CTPS1: variants seen among roughly 807,000 people sequenced by gnomAD.
CTPS1 encodes CTP synthase 1.
Under a neutral mutation model 80.5 loss-of-function variants are expected in CTPS1, and 25 were observed. That is an observed-to-expected ratio of 0.31 (90% CI 0.23 to 0.43). CTPS1 has a LOEUF of 0.43. Ranked by LOEUF, CTPS1 falls within the 20% of genes least tolerant of loss-of-function variation. The probability of loss-of-function intolerance (pLI) is 1.00; values close to 1 mark genes in which losing one functional copy is unlikely to be tolerated. For synonymous variants in CTPS1, 267 were observed against 252.5 expected (o/e 1.06, Z -0.54); for missense variants, 442 against 725.7 (o/e 0.61, Z 4.49).
chr1:40,997,892 T>C (rs527760419), intron 9 of CTPS1, among the ~76,000 whole-genome samples: 8 of 152,192 alleles, frequency 5.3e-5, no homozygotes, highest in Non-Finnish European at 1.2e-4. Flanking sequence ...TGGGCTGCCT[T>C]TCCTAACCTG....
chr1:41,010,370 T>A, intron 18 of CTPS1, 116 bp downstream of exon 18: 1 of 700,652 alleles, frequency 1.4e-6, no homozygotes, highest in Non-Finnish European at 2.5e-6. Context: ...ATGAAAGTGG[T>A]GAGGTCTTGA....
At chr1:41,008,957 T>A in intron 16 of CTPS1, 67 bp downstream of exon 16, 1 of 1,242,456 alleles carries the variant, frequency 8.0e-7, no homozygotes, top group Non-Finnish European at 1.2e-6. Context: ...TGGGAAAATA[T>A]AAAAATGTTA....
rs1461089047 is a variant in CTPS1 at position 41,006,190 on chromosome 1, T to C, written c.1296+96T>C. The C allele has an allele frequency of 3.8e-6, 4 of 1,052,798 alleles. No homozygotes were observed. In the East Asian group the frequency reaches 7.2e-5, roughly 19 times the overall value. The allele number at this position is 1,052,798 out of a possible 1,614,324, so 65.2% of individuals were successfully genotyped here. ...GATTAGAGACAAGAAGTGAGACTGC[T>C]TGAGTCCATCCCAAAGAACCCTGAG... On this transcript the variant is annotated intron_variant, in intron 13 of 18. Coordinates refer to ENST00000650070, the MANE Select transcript of CTPS1 (RefSeq NM_001905.4).
intron 3 of CTPS1, among the ~76,000 whole-genome samples, chr1:40,987,160 C>T (rs1363286569): frequency 1.3e-5 from 2 of 152,190 alleles, no homozygotes; most frequent in Non-Finnish European, 1.5e-5. Context: ...TGTTGCAGGG[C>T]TTCCAGCAAC....
At chr1:41,010,333 A>AG in intron 18 of CTPS1, 79 bp downstream of exon 18, 1 of 1,038,668 alleles carries the variant, frequency 9.6e-7, no homozygotes, top group Admixed American at 2.1e-5. Context: ...ATGGAAGTTT[A>AG]GGGCTGAAAA....
chr1:40,992,979 G>A (rs796315227), intron 7 of CTPS1, among the ~76,000 whole-genome samples: 5 of 147,610 alleles, frequency 3.4e-5, no homozygotes, highest in African/African-American at 1.2e-4. Flanking sequence ...CAGGTGTGAG[G>A]GCGCCCGGCC....
intron 18 of CTPS1, among the ~76,000 whole-genome samples, chr1:41,010,711 C>G (rs1316029193): frequency 6.6e-6 from 1 of 152,220 alleles, no homozygotes; most frequent in African/African-American, 2.4e-5. Flanking sequence ...TCAGGAAGTA[C>G]TTTAAAACTG....
At chr1:40,996,270 C>A in intron 8 of CTPS1, 1 of 612,848 alleles carries the variant, frequency 1.6e-6, no homozygotes, top group Non-Finnish European at 2.8e-6. Flanking sequence ...CTGATAGGGC[C>A]AGGCCAGGTG....
In CTPS1 at chr1:40,987,623, CAT is replaced by C. The variant is rs1642489535; in HGVS notation, c.438+152_438+153del. The C allele has an allele frequency of 1.9e-5, 12 of 646,940 alleles. No individual in the cohort carries two copies. The African/African-American group carries it at 2.0e-4, about 11-fold the overall frequency. The allele number at this position is 646,940 out of a possible 1,614,324, so 40.1% of individuals were successfully genotyped here. On this transcript the variant is annotated intron_variant, in intron 4 of 18. Coordinates refer to ENST00000650070, the MANE Select transcript of CTPS1 (RefSeq NM_001905.4). ...GGCAGGTAAGGGCACAGTTAACAGT[CAT>C]GTGGAATGGCCACGCAAGGGAAAAC...
chr1:40,987,070 T>G (rs1330952307), intron 3 of CTPS1, among the ~76,000 whole-genome samples: 1 of 152,184 alleles, frequency 6.6e-6, no homozygotes, highest in East Asian at 1.9e-4. Context: ...TTGGCTATAC[T>G]GGTGTGTGGC....
At chr1:41,005,805 G>A (rs1405759213) in intron 12 of CTPS1, among the ~76,000 whole-genome samples, 2 of 152,080 alleles carry the variant, frequency 1.3e-5, no homozygotes, top group South Asian at 2.1e-4. Context: ...TTGGGAGGCT[G>A]AGGCTGGCGG....
intron 2 of CTPS1, among the ~76,000 whole-genome samples, 163 bp downstream of exon 2, chr1:40,983,619 C>CTTTT (rs56179408): frequency 1.6e-4 from 22 of 140,310 alleles, no homozygotes; most frequent in Non-Finnish European, 1.4e-4. Context: ...AAGCAGAATT[C>CTTTT]TTTTTTTTTT....
chr1:41,007,039 T>C lies in CTPS1; in HGVS notation c.1297-410T>C, dbSNP rs1170267015. Reference sequence around the variant, plus strand: ...GCCCACCCAGTCCTCAGATGCTTGCTAAGCTGCAGGGTGCTAGCCCTGCAT... The same window carrying C: ...GCCCACCCAGTCCTCAGATGCTTGCCAAGCTGCAGGGTGCTAGCCCTGCAT... On this transcript the variant is annotated intron_variant, in intron 13 of 18. Transcript: ENST00000650070. This position sits in a 1 kb window ranked among gnomAD's most constrained non-coding sequence, Gnocchi z 4.4. 1.3e-5 allele frequency among the ~76,000 whole-genome samples: 2 copies of C among 152,198 alleles called. No individual in the cohort carries two copies. Among genetic ancestry groups the C allele is most frequent in the African/African-American group, 4.8e-5 (2 of 41,436 alleles).
chr1:41,008,007 T>G (rs1643077478), intron 14 of CTPS1, among the ~76,000 whole-genome samples: 1 of 152,200 alleles, frequency 6.6e-6, no homozygotes, highest in Admixed American at 6.5e-5. Flanking sequence ...TTACACAGAT[T>G]TCCTTCTTGT....
chr1:40,984,002 A>G (rs1642385327), intron 2 of CTPS1, among the ~76,000 whole-genome samples: 1 of 152,216 alleles, frequency 6.6e-6, no homozygotes, highest in African/African-American at 2.4e-5. Flanking sequence ...ACTGGGAGAG[A>G]TGTTAAAACA....
At chr1:40,989,332 G>C (rs1342118657) in intron 5 of CTPS1, among the ~76,000 whole-genome samples, 1 of 152,232 alleles carries the variant, frequency 6.6e-6, no homozygotes, top group African/African-American at 2.4e-5. Context: ...GTTGAGGGCA[G>C]TAACACTGGA....
intron 1 of CTPS1, 159 bp from the exon 2 acceptor site, chr1:40,983,119 C>T (rs571425361): frequency 1.9e-6 from 1 of 534,014 alleles, no homozygotes; most frequent in Non-Finnish European, 3.3e-6. Context: ...TGTTTTGATC[C>T]TATTTAAACC....
chr1:41,005,604 A>G (rs1017425219), intron 12 of CTPS1, among the ~76,000 whole-genome samples: 41 of 152,216 alleles, frequency 2.7e-4, no homozygotes, highest in Non-Finnish European at 5.7e-4. Flanking sequence ...TGAGTATTTT[A>G]TGTCTTAAAA....
chr1:40,991,319 C>G (rs1309833443), intron 6 of CTPS1, 71 bp downstream of exon 6: 34 of 1,204,532 alleles, frequency 2.8e-5, no homozygotes, highest in Non-Finnish European at 3.8e-5. Context: ...TCATGACAGA[C>G]AAGACCTTTG....
Sources: allele counts gnomAD v4.1 joint callset (sites outside exome capture counted in the v4.1 genomes callset), GRCh38; gene constraint gnomAD v4.1.1; non-coding constraint Gnocchi (gnomAD v3.1); transcripts MANE v1.5; gene names NCBI Gene and HGNC (gene_info 2026-07-23, HGNC 2026-07-21).